The following AIG1 variants were observed in gnomAD, a reference collection of about 807,000 sequenced individuals.
AIG1 encodes the protein androgen-induced gene 1 protein.
AIG1 carries 23 observed loss-of-function variants against 31.4 expected under a neutral mutation model. That is an observed-to-expected ratio of 0.73 (90% CI 0.53 to 1.04). AIG1 has a LOEUF of 1.04. Ranked by LOEUF, AIG1 falls within the 50% of genes least tolerant of loss-of-function variation. The pLI is 0.00. For synonymous variants in AIG1, 100 were observed against 110.5 expected (o/e 0.90, Z 0.60); for missense variants, 274 against 295.0 (o/e 0.93, Z 0.52).
rs1023463614 is a variant in AIG1 at position 143,297,763 on chromosome 6, T to C, written c.515+13538T>C. Among the ~76,000 whole-genome samples, 9 of 152,362 alleles carry C rather than the reference T, an allele frequency of 5.9e-5. No individual in the cohort carries two copies. The highest frequency in any genetic ancestry group is 2.2e-4 in the African/African-American group (9 of 41,586). On this transcript the variant is annotated intron_variant, in intron 4 of 5. Coordinates refer to ENST00000357847, the MANE Select transcript of AIG1 (RefSeq NM_016108.4). This position sits in a 1 kb window ranked among gnomAD's most constrained non-coding sequence, Gnocchi z 5.1. ...TTTCATGTCTCAGCCAGATAGTTTT[T>C]TTAAAATGCAAATTTTATCCTGTCA...
chr6:143,185,850 G>T (rs1243471272), intron 3 of AIG1, among the ~76,000 whole-genome samples: 1 of 152,102 alleles, frequency 6.6e-6, no homozygotes, highest in Non-Finnish European at 1.5e-5. Flanking sequence ...TTTCTGGAAA[G>T]GAAATACAAT....
At chr6:143,127,140 A>G (rs375554903) in intron 1 of AIG1, among the ~76,000 whole-genome samples, 32 of 152,320 alleles carry the variant, frequency 2.1e-4, no homozygotes, top group Non-Finnish European at 4.1e-4. Context: ...CTCTAGTTAG[A>G]AAAGAGACCA....
Position 143,333,507 on chromosome 6 carries a change from G to T in AIG1, c.679+62G>T, listed in dbSNP as rs777595328. 6.5e-7 allele frequency: 1 copy of T among 1,538,100 alleles called. No individual in the cohort carries two copies. The highest frequency in any genetic ancestry group is 8.8e-7 in the Non-Finnish European group (1 of 1,136,352). Reference sequence around the variant, plus strand: ...TACTGCCGGCAACAGTCTATGCAGAGACTGAGGGAAAATTCCACTGTAGCC... The same window carrying T: ...TACTGCCGGCAACAGTCTATGCAGATACTGAGGGAAAATTCCACTGTAGCC... On this transcript the variant is annotated intron_variant, in intron 5 of 5. Coordinates refer to ENST00000357847, the MANE Select transcript of AIG1 (RefSeq NM_016108.4). This position sits in a 1 kb window ranked among gnomAD's most constrained non-coding sequence, Gnocchi z 4.6.
chr6:143,281,530 A>C (rs1192561560), intron 3 of AIG1, among the ~76,000 whole-genome samples: 2 of 152,170 alleles, frequency 1.3e-5, no homozygotes, highest in Non-Finnish European at 2.9e-5. Context: ...TAAAATAATT[A>C]TCTCTCTTGC....
intron 1 of AIG1, among the ~76,000 whole-genome samples, chr6:143,080,999 T>C (rs570433226): frequency 2.8e-4 from 43 of 152,178 alleles, no homozygotes; most frequent in Non-Finnish European, 5.9e-4. Context: ...CTCGTTGATA[T>C]TTGGCTAAGG....
intron 1 of AIG1, 99 bp downstream of exon 1, chr6:143,061,165 C>T: frequency 1.4e-6 from 2 of 1,423,164 alleles, no homozygotes; most frequent in Admixed American, 1.7e-5. Flanking sequence ...CGAGCACCTG[C>T]GCACGTGCGC....
At position 143,301,547 on chromosome 6, in the gene AIG1, G is replaced by T. The variant is rs1456541307; in HGVS notation, c.515+17322G>T. 2.0e-5 allele frequency among the ~76,000 whole-genome samples: 3 copies of T among 152,328 alleles called. No individual in the cohort carries two copies. In the East Asian group the frequency reaches 5.8e-4, roughly 29 times the overall value. ...CTCACAGTTCTGCAGCACTGCGGAG[G>T]CCTCAGGAAACTTACAATCATGGTG... On this transcript the variant is annotated intron_variant, in intron 4 of 5. Transcript: ENST00000357847.
At chr6:143,335,018 G>T in intron 5 of AIG1, 1 of 1,270,992 alleles carries the variant, frequency 7.9e-7, no homozygotes, top group Non-Finnish European at 1.0e-6. Flanking sequence ...AGTAACATAA[G>T]ATTGACTAAC....
intron 2 of AIG1, among the ~76,000 whole-genome samples, chr6:143,140,938 C>A (rs572719260): frequency 9.2e-5 from 14 of 152,330 alleles, no homozygotes; most frequent in African/African-American, 2.9e-4. Context: ...GAGGCCTCCC[C>A]TGCTCTACCA....
chr6:143,341,986 C>T (rs1347006340), downstream of AIG1, among the ~76,000 whole-genome samples: 1 of 152,190 alleles, frequency 6.6e-6, no homozygotes, highest in African/African-American at 2.4e-5. Flanking sequence ...AGTGCAATGG[C>T]ACCATCTCAG....
chr6:143,224,374 G>A (rs1303581167), intron 3 of AIG1, among the ~76,000 whole-genome samples: 1 of 152,148 alleles, frequency 6.6e-6, no homozygotes, highest in African/African-American at 2.4e-5. Flanking sequence ...GAGGTTCTGG[G>A]GTTTGGAACT....
intron 4 of AIG1, among the ~76,000 whole-genome samples, chr6:143,305,103 G>T (rs568618157): frequency 2.0e-5 from 3 of 151,850 alleles, no homozygotes; most frequent in Admixed American, 1.3e-4. Context: ...TGTGTCTATC[G>T]GATTCTTCTC....
At chr6:143,107,468 G>C (rs1780905097) in intron 1 of AIG1, among the ~76,000 whole-genome samples, 1 of 152,110 alleles carries the variant, frequency 6.6e-6, no homozygotes, top group Admixed American at 6.5e-5. Flanking sequence ...TGATATACGA[G>C]TGAACTGAGA....
At chr6:143,124,033 C>A (rs1306978444) in intron 1 of AIG1, among the ~76,000 whole-genome samples, 1 of 152,182 alleles carries the variant, frequency 6.6e-6, no homozygotes, top group Admixed American at 6.5e-5. Flanking sequence ...TAAAATGATT[C>A]TTCTGCAGTT....
chr6:143,114,999 T>C (rs948773926), intron 1 of AIG1, among the ~76,000 whole-genome samples: 9 of 152,244 alleles, frequency 5.9e-5, no homozygotes, highest in African/African-American at 1.4e-4. Flanking sequence ...TTGTTTTTTA[T>C]ACTTTATTAT....
downstream of AIG1, among the ~76,000 whole-genome samples, chr6:143,343,842 C>G (rs1777904354): frequency 6.6e-6 from 1 of 152,086 alleles, no homozygotes; most frequent in Non-Finnish European, 1.5e-5. Flanking sequence ...AGACTAGTAC[C>G]TATTAGTTGT....
intron 1 of AIG1, among the ~76,000 whole-genome samples, chr6:143,134,848 A>G (rs1158095975): frequency 6.6e-6 from 1 of 152,116 alleles, no homozygotes; most frequent in Non-Finnish European, 1.5e-5. Flanking sequence ...GCTTTGTGTT[A>G]GATGATTTCT....
upstream of AIG1, chr6:143,060,521 C>T (rs546349966): frequency 4.5e-5 from 12 of 264,256 alleles, no homozygotes; most frequent in East Asian, 1.7e-4. Context: ...GGGCCCGCTT[C>T]CCCCTGGAGA....
rs1316703720 is a variant in AIG1, at chr6:143,325,656, G to T, written c.516-7626G>T. On this transcript the variant is annotated intron_variant, in intron 4 of 5. Coordinates refer to ENST00000357847, the MANE Select transcript of AIG1 (RefSeq NM_016108.4). The surrounding 1 kb of genome is among the most constrained non-coding windows in gnomAD (Gnocchi z 4.3). Reference sequence around the variant, plus strand: ...TTGCCTAAATCTAATCAATCACCATGTTGTCTTAACTATATTTGTTAAATC... The same window carrying T: ...TTGCCTAAATCTAATCAATCACCATTTTGTCTTAACTATATTTGTTAAATC... Among the ~76,000 whole-genome samples the T allele has an allele frequency of 6.6e-6, 1 of 152,112 alleles. No homozygotes were observed. The highest frequency in any genetic ancestry group is 1.5e-5 in the Non-Finnish European group (1 of 68,032).
Sources: allele counts gnomAD v4.1 joint callset (sites outside exome capture counted in the v4.1 genomes callset), GRCh38; gene constraint gnomAD v4.1.1; non-coding constraint Gnocchi (gnomAD v3.1); transcripts MANE v1.5; gene names NCBI Gene and HGNC (gene_info 2026-07-23, HGNC 2026-07-21).